Variants in PLA2G6 observed in about 807,000 individuals in gnomAD.
PLA2G6 encodes 85/88 kDa calcium-independent phospholipase A2.
In PLA2G6, 62 loss-of-function variants were observed where a neutral mutation model predicts 83.8. The observed-to-expected ratio is 0.74, with a 90% CI of 0.60 to 0.91. The LOEUF is 0.91. Ranked by LOEUF, PLA2G6 falls within the 40% of genes least tolerant of loss-of-function variation. The probability of loss-of-function intolerance (pLI) is 0.00; values close to 1 mark genes in which losing one functional copy is unlikely to be tolerated. For missense variants in PLA2G6, 944 were observed against 1,102.0 expected, an observed-to-expected ratio of 0.86 and a Z score of 2.03; for synonymous variants, 417 against 449.8, an observed-to-expected ratio of 0.93 and a Z score of 0.92.
At chr22:38,164,410 G>A (rs1025275554) in intron 2 of PLA2G6, among the ~76,000 whole-genome samples, 5 of 152,240 alleles carry the variant, frequency 3.3e-5, no homozygotes, top group African/African-American at 1.2e-4. Context: ...TGTAATAGGA[G>A]GTCAGTAATG....
intron 2 of PLA2G6, among the ~76,000 whole-genome samples, chr22:38,154,270 C>A (rs2089688184): frequency 6.6e-6 from 1 of 152,238 alleles, no homozygotes; most frequent in Non-Finnish European, 1.5e-5. Context: ...AGTAGCCAGG[C>A]AGTGGAGACT....
chr22:38,123,217 C>T lies in PLA2G6; in HGVS notation c.1469G>A (p.Gly490Asp), dbSNP rs2145722278. 6.4e-7 allele frequency: 1 copy of T among 1,556,708 alleles called. No individual in the cohort carries two copies. Among genetic ancestry groups the T allele is most frequent in the Non-Finnish European group, 8.7e-7 (1 of 1,149,970 alleles). The change falls in exon 11 of 17, where the codon GGC (glycine) becomes GAC (aspartate). Residue 490 changes from glycine (G) to aspartate (D), a missense_variant. Gly to Asp is a moderately conservative substitution (Grantham distance 94). Transcript: ENST00000332509. This position sits in a 1 kb window ranked among gnomAD's most constrained non-coding sequence, Gnocchi z 4.1. Reference protein sequence around the residue: ...LLCLDGGGVKGLIIIQLLIAI... With the variant: ...LLCLDGGGVKDLIIIQLLIAI... ...GATGAGGAGCTGGATGATGATGAGG[C>T]CTTTCACTCCTCCTCCATCCAGGCA...
intron 1 of PLA2G6, among the ~76,000 whole-genome samples, chr22:38,175,532 G>A (rs1207210741): frequency 6.6e-6 from 1 of 152,150 alleles, no homozygotes. Context: ...AGTGCACTTG[G>A]GGATACCACA....
At chr22:38,140,655 TG>T (rs11570657) in intron 4 of PLA2G6, 3,064 of 190,402 alleles carry the variant, frequency 0.016, 89 homozygotes, top group African/African-American at 0.068. Flanking sequence ...GGATGGGCAC[TG>T]GGGGTCCAGG....
rs1042777772 is a variant in PLA2G6 at position 38,111,977 on chromosome 22, G to A, written c.*184C>T. ...GGAATGACAGAAAGTGCTGGAAGGCGGGGTTAGTGGGAGACAGGCCTTCAG... is the reference window on the plus strand; with the variant it reads ...GGAATGACAGAAAGTGCTGGAAGGCAGGGTTAGTGGGAGACAGGCCTTCAG... On this transcript the variant is annotated 3_prime_UTR_variant, in exon 17 of 17. Coordinates refer to ENST00000332509, the MANE Select transcript of PLA2G6 (RefSeq NM_003560.4). 3 of 560,214 alleles carry A rather than the reference G, an allele frequency of 5.4e-6. No individual in the cohort carries two copies. Among genetic ancestry groups the A allele is most frequent in the Non-Finnish European group, 9.3e-6 (3 of 323,842 alleles). The allele number at this position is 560,214 out of a possible 1,614,324, so 34.7% of individuals were successfully genotyped here.
In PLA2G6 at chr22:38,132,786, T is replaced by G; in HGVS notation, c.1077+45A>C. 6.6e-7 allele frequency: 1 copy of G among 1,513,276 alleles called. No homozygotes were observed. Among genetic ancestry groups the G allele is most frequent in the Non-Finnish European group, 8.9e-7 (1 of 1,126,192 alleles). 93.7% of individuals were successfully genotyped at this position (1,513,276 alleles called of 1,614,324 possible). A position where few individuals can be genotyped will look rare whatever the true frequency, so the allele number is the denominator to read the frequency against. On this transcript the variant is annotated intron_variant, in intron 7 of 16. Coordinates refer to ENST00000332509, the MANE Select transcript of PLA2G6 (RefSeq NM_003560.4). The surrounding 1 kb of genome is among the most constrained non-coding windows in gnomAD (Gnocchi z 5.0). ...TCCAGTCCGGACAGCCCTCCTGCAT[T>G]CCCACCGGGGCCCCACAGGGCAGGA...
chr22:38,149,790 C>A (rs1392184817), intron 2 of PLA2G6: 2 of 152,004 alleles, frequency 1.3e-5, no homozygotes, highest in Non-Finnish European at 2.9e-5. Flanking sequence ...TAAAAATTAG[C>A]CGGGCGTGGC....
In PLA2G6 at chr22:38,123,377, C is replaced by T. The variant is rs770988997; in HGVS notation, c.1428-119G>A. The stretch of plus-strand genomic sequence containing the variant: ...CCTGGCAGACAGACCCAGACGGACC[C>T]GAGGAACTTCTGTCCTATGCAGGAC... On this transcript the variant is annotated intron_variant, in intron 10 of 16. Coordinates refer to ENST00000332509, the MANE Select transcript of PLA2G6 (RefSeq NM_003560.4). This position sits in a 1 kb window ranked among gnomAD's most constrained non-coding sequence, Gnocchi z 4.1. 15 of 1,046,118 alleles carry T rather than the reference C, an allele frequency of 1.4e-5. No homozygotes were observed. The highest frequency in any genetic ancestry group is 2.0e-5 in the Non-Finnish European group (14 of 698,124). 64.8% of individuals were successfully genotyped at this position (1,046,118 alleles called of 1,614,324 possible). A position where few individuals can be genotyped will look rare whatever the true frequency, so the allele number is the denominator to read the frequency against.
intron 2 of PLA2G6, among the ~76,000 whole-genome samples, chr22:38,151,972 A>G (rs1325810637): frequency 6.6e-6 from 1 of 152,214 alleles, no homozygotes; most frequent in African/African-American, 2.4e-5. Context: ...CTATTTTCCA[A>G]GGCTGTTTGC....
At chr22:38,142,796 A>C (rs1348730942) in intron 4 of PLA2G6, 7 of 427,298 alleles carry the variant, frequency 1.6e-5, no homozygotes, top group Admixed American at 3.5e-5. Context: ...TCTGGCTCAC[A>C]GTTTGTGCTC....
intron 10 of PLA2G6, chr22:38,125,666 A>AC (rs1410035917): frequency 6.4e-6 from 3 of 470,588 alleles, no homozygotes; most frequent in Non-Finnish European, 1.3e-5. Context: ...AAGTCACTTC[A>AC]CCTCTCAGGG....
rs141045127 is a variant in PLA2G6 at position 38,123,191 on chromosome 22, C to T, written c.1495G>A (p.Ala499Thr). Residue 499 changes from alanine (A) to threonine (T), a missense_variant, in exon 11 of 17, where the codon GCC (alanine) becomes ACC (threonine). Coordinates refer to ENST00000332509, the MANE Select transcript of PLA2G6 (RefSeq NM_003560.4). This position sits in a 1 kb window ranked among gnomAD's most constrained non-coding sequence, Gnocchi z 4.1. ...GCCACACCCGAGGCCTTCTCGATGG[C>T]GATGAGGAGCTGGATGATGATGAGG... ...KGLIIIQLLIAIEKASGVATK... is the reference protein window; with the variant it reads ...KGLIIIQLLITIEKASGVATK... 1.8e-5 allele frequency: 28 copies of T among 1,553,098 alleles called. No individual in the cohort carries two copies. The highest frequency in any genetic ancestry group is 5.9e-5 in the Admixed American group (3 of 51,262).
intron 2 of PLA2G6, among the ~76,000 whole-genome samples, chr22:38,154,150 T>C (rs979126741): frequency 2.6e-5 from 4 of 152,334 alleles, no homozygotes; most frequent in East Asian, 1.9e-4. Context: ...TCTAAGGACC[T>C]TCCCAGGATG....
In PLA2G6 at chr22:38,128,534, C is replaced by CTGGGAGCTGGGA; in HGVS notation, c.1187-105_1187-104insTCCCAGCTCCCA. The CTGGGAGCTGGGA allele has an allele frequency of 7.5e-7, 1 of 1,324,588 alleles. No individual in the cohort carries two copies. Among genetic ancestry groups the CTGGGAGCTGGGA allele is most frequent in the Non-Finnish European group, 1.1e-6 (1 of 948,180 alleles). The allele number at this position is 1,324,588 out of a possible 1,614,324, so 82.1% of individuals were successfully genotyped here. A position where few individuals can be genotyped will look rare whatever the true frequency, so the allele number is the denominator to read the frequency against. ...CACACTCCGTCCCCTGTCCCAGCTC[C>CTGGGAGCTGGGA]CAGGCCCTGGGCACGTGGGCTGCTC... is the stretch of plus-strand genomic sequence containing the variant. On this transcript the variant is annotated intron_variant, in intron 8 of 16. Coordinates refer to ENST00000332509, the MANE Select transcript of PLA2G6 (RefSeq NM_003560.4). The surrounding 1 kb of genome is among the most constrained non-coding windows in gnomAD (Gnocchi z 4.4).
In PLA2G6 at chr22:38,123,239, G is replaced by T; in HGVS notation, c.1447C>A (p.Leu483Met). 1 of 1,559,846 alleles carries T rather than the reference G, an allele frequency of 6.4e-7. No individual in the cohort carries two copies. Among genetic ancestry groups the T allele is most frequent in the East Asian group, 2.4e-5 (1 of 41,848 alleles). ...AGGCCTTTCACTCCTCCTCCATCCA[G>T]GCACAGCAGGTGGTCGTGGCTGCAG... ...EKRTHDHLLC[L>M]DGGGVKGLII... Residue 483 changes from leucine (L) to methionine (M), a missense_variant, in exon 11 of 17, where the codon CTG (leucine) becomes ATG (methionine). Transcript: ENST00000332509. This position sits in a 1 kb window ranked among gnomAD's most constrained non-coding sequence, Gnocchi z 4.1.
chr22:38,152,905 C>A (rs978051458), intron 2 of PLA2G6, among the ~76,000 whole-genome samples: 1 of 151,886 alleles, frequency 6.6e-6, no homozygotes, highest in East Asian at 1.9e-4. Flanking sequence ...AGACTACACG[C>A]TATATGATTA....
rs1162912602 is a variant in PLA2G6, at chr22:38,135,051, G to A, written c.831C>T (p.Ser277=). The change falls in exon 6 of 17, where the codon AGC becomes AGT. Residue 277 remains serine (S), a synonymous_variant. Coordinates refer to ENST00000332509, the MANE Select transcript of PLA2G6 (RefSeq NM_003560.4). ...AACGGGGGTCTTTGCTGTGGATCTG[G>A]CTGCTGTCCATGCTGATGATCATCT... ...CAEMIISMDS[S]QIHSKDPRYG... 1 of 1,613,886 alleles carries A rather than the reference G, an allele frequency of 6.2e-7. No homozygotes were observed. Among genetic ancestry groups the A allele is most frequent in the South Asian group, 1.1e-5 (1 of 91,078 alleles).
In PLA2G6 at chr22:38,145,032, CTTTTTTTT is replaced by C. The variant is rs968832533; in HGVS notation, c.425+398_425+405del. The C allele has an allele frequency of 2.2e-4, 42 of 192,658 alleles. 1 individual carries two copies. The highest frequency in any genetic ancestry group is 3.1e-4 in the Non-Finnish European group (31 of 98,664). The allele number at this position is 192,658 out of a possible 1,614,324, so 11.9% of individuals were successfully genotyped here. On this transcript the variant is annotated intron_variant, in intron 3 of 16. Coordinates refer to ENST00000332509, the MANE Select transcript of PLA2G6 (RefSeq NM_003560.4). ...TTTTAATCTGGTAGCAACGCAGCAC[CTTTTTTTT>C]TTTTTTTTTTTTTTTCCTAGAGACA...
intron 1 of PLA2G6, among the ~76,000 whole-genome samples, chr22:38,171,762 A>C (rs1370071089): frequency 6.6e-6 from 1 of 151,354 alleles, no homozygotes; most frequent in Non-Finnish European, 1.5e-5. Flanking sequence ...TGGAGGTTGC[A>C]GTGAGCCAAG....
Sources: allele counts gnomAD v4.1 joint callset (sites outside exome capture counted in the v4.1 genomes callset), GRCh38; gene constraint gnomAD v4.1.1; non-coding constraint Gnocchi (gnomAD v3.1); transcripts MANE v1.5; gene names NCBI Gene and HGNC (gene_info 2026-07-23, HGNC 2026-07-21).